The following APBA2 variants were observed in gnomAD, a reference collection of about 807,000 sequenced individuals.
APBA2 encodes amyloid beta precursor protein binding family A member 2.
Under a neutral mutation model 75.0 loss-of-function variants are expected in APBA2, and 30 were observed. The observed-to-expected ratio is 0.40, with a 90% confidence interval of 0.30 to 0.54. The LOEUF is 0.54. Among genes scored for constraint, APBA2 ranks in the 20% least tolerant of loss-of-function variants. APBA2 has a pLI of 0.49. For synonymous variants in APBA2, 444 were observed against 409.6 expected, an observed-to-expected ratio of 1.08 and a Z score of -1.01; for missense variants, 801 against 1,016.1, an observed-to-expected ratio of 0.79 and a Z score of 2.88.
intron 10 of APBA2, among the ~76,000 whole-genome samples, chr15:29,104,406 G>A (rs527351051): frequency 6.6e-6 from 1 of 152,334 alleles, no homozygotes; most frequent in East Asian, 1.9e-4. Flanking sequence ...CCTGCTTGGC[G>A]AGCTCCGGGA....
chr15:29,039,672 C>G (rs184874350), intron 3 of APBA2, among the ~76,000 whole-genome samples: 1 of 152,078 alleles, frequency 6.6e-6, no homozygotes, highest in African/African-American at 2.4e-5. Context: ...CCTTTCCTGC[C>G]GATGATAATG....
chr15:28,984,675 A>ATC (rs1056010999), intron 2 of APBA2, among the ~76,000 whole-genome samples: 3 of 149,572 alleles, frequency 2.0e-5, no homozygotes, highest in Admixed American at 6.6e-5. Flanking sequence ...GCTGCTGTAT[A>ATC]TCTCTCTCTG....
At chr15:28,973,534 T>G (rs1192979228) in intron 2 of APBA2, among the ~76,000 whole-genome samples, 5 of 152,182 alleles carry the variant, frequency 3.3e-5, no homozygotes, top group African/African-American at 1.2e-4. Context: ...TTAGCCACAT[T>G]ATGTATGCCA....
intron 2 of APBA2, among the ~76,000 whole-genome samples, chr15:28,976,737 A>G (rs992442652): frequency 7.2e-5 from 11 of 152,148 alleles, no homozygotes; most frequent in Admixed American, 2.0e-4. Context: ...TTTATTTAGG[A>G]TGTTTTTTCA....
intron 1 of APBA2, among the ~76,000 whole-genome samples, chr15:28,910,441 A>C (rs1437187892): frequency 6.6e-6 from 1 of 152,228 alleles, no homozygotes; most frequent in East Asian, 1.9e-4. Flanking sequence ...AATGGTGTGC[A>C]ATAAATGAAA....
At chr15:28,965,921 A>G (rs1037790120) in intron 2 of APBA2, among the ~76,000 whole-genome samples, 1 of 152,184 alleles carries the variant, frequency 6.6e-6, no homozygotes, top group Admixed American at 6.5e-5. Flanking sequence ...GCAGTTCTAT[A>G]TAGTTTAAAA....
chr15:29,002,923 A>G (rs1181737286), intron 3 of APBA2, among the ~76,000 whole-genome samples: 2 of 152,152 alleles, frequency 1.3e-5, no homozygotes, highest in Non-Finnish European at 2.9e-5. Flanking sequence ...AAGGATGAAT[A>G]TACATTTCTG....
chr15:28,945,663 C>T (rs12324780), intron 2 of APBA2, among the ~76,000 whole-genome samples: 44,635 of 151,736 alleles, frequency 0.29, 10,681 homozygotes, highest in African/African-American at 0.64. Flanking sequence ...GGATTACAGG[C>T]GCCTGCCCCC....
chr15:29,111,635 C>G (rs1232754142), intron 13 of APBA2, among the ~76,000 whole-genome samples: 1 of 152,140 alleles, frequency 6.6e-6, no homozygotes, highest in Non-Finnish European at 1.5e-5. Flanking sequence ...ACACCCTCTG[C>G]ACCTGCTCCA....
chr15:28,931,756 A>C (rs1296580529), intron 2 of APBA2, among the ~76,000 whole-genome samples: 1 of 152,236 alleles, frequency 6.6e-6, no homozygotes, highest in Non-Finnish European at 1.5e-5. Flanking sequence ...GCTTAGAGAT[A>C]GGAAAGTTTT....
At chr15:29,039,098 G>GGTGTGTGT (rs57326919) in intron 3 of APBA2, among the ~76,000 whole-genome samples, 2,843 of 106,250 alleles carry the variant, frequency 0.027, 139 homozygotes, top group Non-Finnish European at 0.035. Context: ...TGTATGTCAG[G>GGTGTGTGT]GTGTGTGTGT....
intron 2 of APBA2, among the ~76,000 whole-genome samples, chr15:28,971,263 A>G (rs530829315): frequency 6.6e-5 from 10 of 152,066 alleles, no homozygotes; most frequent in Non-Finnish European, 1.0e-4. Flanking sequence ...TCCCTGCAAG[A>G]TAACAGCGCC....
intron 3 of APBA2, among the ~76,000 whole-genome samples, chr15:29,033,043 C>T (rs1188822824): frequency 6.6e-6 from 1 of 152,214 alleles, no homozygotes; most frequent in Non-Finnish European, 1.5e-5. Context: ...CATCCTTATC[C>T]AAGCTGCATC....
intron 2 of APBA2, among the ~76,000 whole-genome samples, chr15:28,937,466 G>A (rs1465010371): frequency 6.6e-6 from 1 of 151,994 alleles, no homozygotes; most frequent in Non-Finnish European, 1.5e-5. Context: ...GTGGAGCCTC[G>A]CTGCTCTGGG....
At chr15:29,090,314 A>G (rs374724614) in intron 6 of APBA2, among the ~76,000 whole-genome samples, 9 of 152,264 alleles carry the variant, frequency 5.9e-5, no homozygotes, top group African/African-American at 2.2e-4. Context: ...TCCTTCACAC[A>G]CAGCAGTCTG....
In APBA2 at chr15:28,937,650, C is replaced by CT. The variant is rs894565714; in HGVS notation, c.-95+15911dup. ...GGATGGAGGGTGTTGGATTTAGTTTCTTTTTTTTTTCTTTTTTTTCTTTTG... is the reference window on the plus strand; with the variant it reads ...GGATGGAGGGTGTTGGATTTAGTTTCTTTTTTTTTTTCTTTTTTTTCTTTTG... On this transcript the variant is annotated intron_variant, in intron 2 of 14. Coordinates refer to ENST00000683413, the MANE Select transcript of APBA2 (RefSeq NM_001353788.2). Among the ~76,000 whole-genome samples the CT allele has an allele frequency of 1.3e-3, 194 of 149,390 alleles. 1 individual carries two copies. The highest frequency in any genetic ancestry group is 4.3e-3 in the African/African-American group (173 of 40,686).
chr15:29,016,790 C>A, intron 3 of APBA2, among the ~76,000 whole-genome samples: 1 of 152,014 alleles, frequency 6.6e-6, no homozygotes, highest in African/African-American at 2.4e-5. Flanking sequence ...GCTTTTCTTT[C>A]CCCTCCCTTC....
At chr15:28,990,635 C>G (rs2038179136) in intron 2 of APBA2, 1 of 152,190 alleles carries the variant, frequency 6.6e-6, no homozygotes, top group South Asian at 2.1e-4. Flanking sequence ...CCAACTCTGC[C>G]TTTGGCTTTG....
intron 2 of APBA2, among the ~76,000 whole-genome samples, chr15:28,924,149 C>T (rs934090405): frequency 6.6e-5 from 10 of 152,166 alleles, no homozygotes; most frequent in Non-Finnish European, 1.5e-5. Context: ...GTGCTGGCAG[C>T]CCTGGTGCTG....
Sources: gnomAD v4.1 joint callset for allele counts (sites outside exome capture counted in the v4.1 genomes callset) on GRCh38, gnomAD v4.1.1 for gene constraint, MANE v1.5 for transcripts, NCBI Gene and HGNC (gene_info 2026-07-23, HGNC 2026-07-21) for gene names.